Variants in DEPTOR observed in about 807,000 individuals in gnomAD.
DEPTOR encodes DEP domain containing MTOR interacting protein, also known as DEP domain-containing mTOR-interacting protein.
A neutral mutation model predicts 41.6 loss-of-function variants in DEPTOR; 41 were observed. The ratio of observed to expected loss-of-function variants is 0.98; its 90% CI spans 0.77 to 1.28. The LOEUF is 1.28. Among genes scored for constraint, DEPTOR ranks in the 50% most tolerant of loss-of-function variants. The probability of loss-of-function intolerance (pLI) is 0.00; values close to 1 mark genes in which losing one functional copy is unlikely to be tolerated. For missense variants in DEPTOR, 514 were observed against 527.9 expected, an observed-to-expected ratio of 0.97 and a Z score of 0.26; for synonymous variants, 195 against 192.3, an observed-to-expected ratio of 1.01 and a Z score of -0.12.
chr8:119,943,702 G>T (rs2079431592), intron 3 of DEPTOR, among the ~76,000 whole-genome samples: 1 of 152,060 alleles, frequency 6.6e-6, no homozygotes, highest in African/African-American at 2.4e-5. Context: ...ACAATCCTGA[G>T]GCCTAAAGTT....
In DEPTOR at chr8:120,002,355, G is replaced by A. The variant is rs143769194; in HGVS notation, c.791-622G>A. Among the ~76,000 whole-genome samples the A allele has an allele frequency of 4.3e-4, 65 of 152,082 alleles. 1 individual carries two copies. The Middle Eastern group carries it at 0.027, about 64-fold the overall frequency. ...GGGTTTCACTATGTTGGCCAGGCTG[G>A]TCTCAAACTCCTGACCTCGTGATTC... On this transcript the variant is annotated intron_variant, in intron 5 of 8. Coordinates refer to ENST00000286234, the MANE Select transcript of DEPTOR (RefSeq NM_022783.4).
At chr8:119,971,093 A>G (rs148795085) in intron 4 of DEPTOR, among the ~76,000 whole-genome samples, 3,547 of 152,184 alleles carry the variant, frequency 0.023, 111 homozygotes, top group African/African-American at 0.074. Context: ...TTAGCCGGGC[A>G]TGGTGGCAGG....
intron 8 of DEPTOR, among the ~76,000 whole-genome samples, chr8:120,033,575 A>G (rs941847816): frequency 7.2e-5 from 11 of 152,170 alleles, no homozygotes; most frequent in Non-Finnish European, 1.3e-4. Context: ...TCAGCTTTCC[A>G]TCAGGCTGAT....
At chr8:120,029,376 C>G (rs763601928) in intron 8 of DEPTOR, among the ~76,000 whole-genome samples, 5 of 152,016 alleles carry the variant, frequency 3.3e-5, no homozygotes, top group Admixed American at 6.6e-5. Flanking sequence ...TGCTTTGAGT[C>G]TTGAGTTTTA....
rs758282195 is a variant in DEPTOR, at chr8:120,002,993, G to T, written c.807G>T (p.Glu269Asp). 4 of 1,577,332 alleles carry T rather than the reference G, an allele frequency of 2.5e-6. No individual in the cohort carries two copies. Among genetic ancestry groups the T allele is most frequent in the South Asian group, 1.2e-5 (1 of 86,562 alleles). The change falls in exon 6 of 9, where the codon GAG becomes GAT. Residue 269 changes from glutamate to aspartate, a missense_variant. Transcript: ENST00000286234. ...CCTACACAGTGAGCCCCAGCAAGGA[G>T]ATCAAGATCGTGTCTGCAGTGAGGA... The part of the protein sequence containing the change: ...TSFMSVSPSK[E>D]IKIVSAVRRS...
At chr8:120,004,325 T>C (rs1812401421) in intron 6 of DEPTOR, among the ~76,000 whole-genome samples, 1 of 152,224 alleles carries the variant, frequency 6.6e-6, no homozygotes, top group African/African-American at 2.4e-5. Context: ...ATGAAGAAGC[T>C]TGCTTCCATA....
chr8:119,889,837 G>A (rs992328308), intron 1 of DEPTOR, among the ~76,000 whole-genome samples: 1 of 152,150 alleles, frequency 6.6e-6, no homozygotes, highest in Non-Finnish European at 1.5e-5. Flanking sequence ...TAACAAGCTT[G>A]TGGCAGTAGC....
intron 1 of DEPTOR, among the ~76,000 whole-genome samples, chr8:119,893,437 T>G (rs977440406): frequency 5.3e-5 from 8 of 152,326 alleles, no homozygotes; most frequent in African/African-American, 1.9e-4. Flanking sequence ...CATTTTTGGT[T>G]CCTTCATGTT....
intron 4 of DEPTOR, among the ~76,000 whole-genome samples, chr8:119,996,144 C>T (rs1056809930): frequency 6.6e-6 from 1 of 152,140 alleles, no homozygotes; most frequent in African/African-American, 2.4e-5. Context: ...CACGTGGCAA[C>T]CTTCATTTCA....
At chr8:120,016,799 T>C (rs1359230803) in intron 8 of DEPTOR, among the ~76,000 whole-genome samples, 2 of 151,974 alleles carry the variant, frequency 1.3e-5, no homozygotes, top group Non-Finnish European at 2.9e-5. Context: ...AGATGGAGTT[T>C]CACCATGTTG....
chr8:119,898,506 T>C (rs1347611229), intron 1 of DEPTOR, among the ~76,000 whole-genome samples: 1 of 152,098 alleles, frequency 6.6e-6, no homozygotes, highest in African/African-American at 2.4e-5. Flanking sequence ...GGCAGATTGC[T>C]TGAGCTCAGG....
intron 3 of DEPTOR, among the ~76,000 whole-genome samples, chr8:119,938,390 T>C (rs1828138971): frequency 6.6e-6 from 1 of 152,228 alleles, no homozygotes; most frequent in South Asian, 2.1e-4. Flanking sequence ...CCACAGGGTA[T>C]TTAATAACTT....
Position 120,032,886 on chromosome 8 carries a change from G to T in DEPTOR, c.1102-16690G>T, listed in dbSNP as rs530796475. On this transcript the variant is annotated intron_variant, in intron 8 of 8. Coordinates refer to ENST00000286234, the MANE Select transcript of DEPTOR (RefSeq NM_022783.4). Reference sequence around the variant, plus strand: ...GTTTTGGCCAAGTTGACACCAAAAAGCTCCACCTTCTTATTTGATTCATGT... The same window carrying T: ...GTTTTGGCCAAGTTGACACCAAAAATCTCCACCTTCTTATTTGATTCATGT... 4.6e-5 allele frequency among the ~76,000 whole-genome samples: 7 copies of T among 152,238 alleles called. No homozygotes were observed. The East Asian group carries it at 1.4e-3, about 29-fold the overall frequency.
chr8:119,932,945 CAG>C (rs1828064066), intron 3 of DEPTOR, among the ~76,000 whole-genome samples: 1 of 152,056 alleles, frequency 6.6e-6, no homozygotes, highest in Non-Finnish European at 1.5e-5. Context: ...GTAATGAGAC[CAG>C]AGTGTCCAGA....
intron 8 of DEPTOR, among the ~76,000 whole-genome samples, chr8:120,045,909 C>T (rs1228765515): frequency 6.6e-6 from 1 of 152,132 alleles, no homozygotes; most frequent in Admixed American, 6.5e-5. Flanking sequence ...CTGCTGACTG[C>T]CCTTTTCCTA....
At chr8:119,923,457 G>A (rs1827924204) in intron 1 of DEPTOR, among the ~76,000 whole-genome samples, 1 of 152,068 alleles carries the variant, frequency 6.6e-6, no homozygotes, top group Admixed American at 6.6e-5. Context: ...TGCCCAGGCT[G>A]ATTTGAACTC....
At chr8:119,904,459 A>C (rs1283689093) in intron 1 of DEPTOR, among the ~76,000 whole-genome samples, 6 of 150,812 alleles carry the variant, frequency 4.0e-5, no homozygotes, top group Non-Finnish European at 5.9e-5. Flanking sequence ...GGTAGAAAAA[A>C]CTGGATACAT....
intron 8 of DEPTOR, among the ~76,000 whole-genome samples, chr8:120,038,289 AG>A (rs1415096695): frequency 1.3e-5 from 2 of 150,428 alleles, no homozygotes; most frequent in Non-Finnish European, 3.0e-5. Flanking sequence ...AAAAAGAAGA[AG>A]AAGAAAGTAA....
At chr8:119,916,792 C>A (rs1827820796) in intron 1 of DEPTOR, among the ~76,000 whole-genome samples, 1 of 152,116 alleles carries the variant, frequency 6.6e-6, no homozygotes, top group Non-Finnish European at 1.5e-5. Flanking sequence ...AATTACTAAC[C>A]CCTTCAGATG....
Sources: gnomAD v4.1 joint callset for allele counts (sites outside exome capture counted in the v4.1 genomes callset) on GRCh38, gnomAD v4.1.1 for gene constraint, MANE v1.5 for transcripts, NCBI Gene and HGNC (gene_info 2026-07-23, HGNC 2026-07-21) for gene names.